The following PAN3 variants were observed in gnomAD, a reference collection of about 807,000 sequenced individuals.
PAN3 encodes PAN2-PAN3 deadenylation complex subunit PAN3.
PAN3 carries 19 observed loss-of-function variants against 96.2 expected under a neutral mutation model. That is an observed-to-expected ratio of 0.20 (90% confidence interval 0.14 to 0.29). The LOEUF (loss-of-function observed/expected upper bound fraction) is 0.29. PAN3 is among the 10% of genes least tolerant of loss of function. The pLI is 1.00. For missense variants in PAN3, 882 were observed against 1,108.1 expected (o/e 0.80, Z 2.90); for synonymous variants, 433 against 406.6 (o/e 1.06, Z -0.78).
chr13:28,164,287 C>T (rs1873263808), intron 1 of PAN3, among the ~76,000 whole-genome samples: 1 of 152,100 alleles, frequency 6.6e-6, no homozygotes, highest in Admixed American at 6.6e-5. Context: ...TAATTCATGG[C>T]ATAATCTGCA....
chr13:28,284,450 A>G (rs1453175430), intron 17 of PAN3, among the ~76,000 whole-genome samples: 2 of 151,254 alleles, frequency 1.3e-5, no homozygotes, highest in South Asian at 2.1e-4. Context: ...TAACTGACCA[A>G]ATTTCTTCTT....
chr13:28,263,658 A>G (rs1885920311), intron 9 of PAN3, among the ~76,000 whole-genome samples: 1 of 152,202 alleles, frequency 6.6e-6, no homozygotes. Flanking sequence ...CTATATTGAC[A>G]AGATAAAATT....
intron 12 of PAN3, 35 bp from the exon 13 acceptor site, chr13:28,270,666 T>G (rs1886538286): frequency 1.3e-6 from 2 of 1,596,180 alleles, no homozygotes; most frequent in Non-Finnish European, 1.7e-6. Flanking sequence ...GTTGATTACT[T>G]AAGATGTCAT....
intron 1 of PAN3, among the ~76,000 whole-genome samples, chr13:28,155,889 A>G (rs542136393): frequency 1.3e-5 from 2 of 152,312 alleles, no homozygotes; most frequent in East Asian, 1.9e-4. Context: ...AGCTCTATTC[A>G]TAGTTTTGTA....
chr13:28,230,428 AC>A (rs1395391304), intron 6 of PAN3, among the ~76,000 whole-genome samples: 1 of 152,130 alleles, frequency 6.6e-6, no homozygotes, highest in Admixed American at 6.5e-5. Context: ...GAAAAAAAAA[AC>A]AACCCTATGG....
chr13:28,242,914 A>G (rs763788103), intron 6 of PAN3, among the ~76,000 whole-genome samples: 2 of 152,214 alleles, frequency 1.3e-5, no homozygotes, highest in African/African-American at 2.4e-5. Flanking sequence ...ATCTTTATAC[A>G]GGATGCTTTG....
intron 13 of PAN3, 65 bp from the exon 14 acceptor site, chr13:28,271,916 C>T: frequency 8.8e-7 from 1 of 1,139,882 alleles, no homozygotes; most frequent in Non-Finnish European, 1.2e-6. Flanking sequence ...GTTACTTTTC[C>T]ATGAGTATGC....
intron 4 of PAN3, among the ~76,000 whole-genome samples, chr13:28,185,494 G>A (rs1455303212): frequency 6.6e-6 from 1 of 152,124 alleles, no homozygotes; most frequent in East Asian, 1.9e-4. Context: ...TGTGTGCAGC[G>A]ACCATTTGTT....
chr13:28,138,748 CCGGGGGTCGGGGGTGTCCCCGG>C lies in PAN3; in HGVS notation c.97_118del (p.Val33ArgfsTer3). 1 of 1,312,822 alleles carries C rather than the reference CCGGGGGTCGGGGGTGTCCCCGG, an allele frequency of 7.6e-7. No individual in the cohort carries two copies. The highest frequency in any genetic ancestry group is 9.7e-7 in the Non-Finnish European group (1 of 1,032,722). 81.3% of individuals were successfully genotyped at this position (1,312,822 alleles called of 1,614,324 possible). On this transcript the variant is annotated frameshift_variant, in exon 1 of 19. Transcript: ENST00000380958. LOFTEE classifies it high-confidence loss of function. ...GGCGGCGGTGGCGGTGGTGGCCCCG[CCGGGGGTCGGGGGTGTCCCCGG>C]CGGGGCGGCGGTAGGAGTGAAGCTG...
chr13:28,140,513 A>G (rs567619569), intron 1 of PAN3, among the ~76,000 whole-genome samples: 10 of 152,192 alleles, frequency 6.6e-5, no homozygotes, highest in Non-Finnish European at 1.5e-4. Flanking sequence ...TAATTGGTCT[A>G]TGAGGATTAT....
At chr13:28,209,035 T>G (rs1879716185) in intron 5 of PAN3, among the ~76,000 whole-genome samples, 1 of 152,242 alleles carries the variant, frequency 6.6e-6, no homozygotes, top group Non-Finnish European at 1.5e-5. Context: ...AATATTTGCA[T>G]ATAACCTATG....
At chr13:28,142,117 T>C (rs1433625649) in intron 1 of PAN3, among the ~76,000 whole-genome samples, 2 of 152,180 alleles carry the variant, frequency 1.3e-5, no homozygotes, top group African/African-American at 4.8e-5. Flanking sequence ...CTCTCAGTAA[T>C]TCCTTATGGA....
chr13:28,207,437 G>C (rs547695586), intron 5 of PAN3, among the ~76,000 whole-genome samples: 2 of 152,042 alleles, frequency 1.3e-5, no homozygotes, highest in African/African-American at 4.8e-5. Context: ...TTTGTCATTG[G>C]GGGAAAAAAG....
chr13:28,251,574 C>A (rs149917419), intron 6 of PAN3, among the ~76,000 whole-genome samples: 329 of 152,298 alleles, frequency 2.2e-3, no homozygotes, highest in African/African-American at 7.5e-3. Context: ...TAAGACGTCA[C>A]CCCAGTCCTC....
At chr13:28,233,501 A>G (rs1359154692) in intron 6 of PAN3, among the ~76,000 whole-genome samples, 1 of 152,066 alleles carries the variant, frequency 6.6e-6, no homozygotes, top group African/African-American at 2.4e-5. Flanking sequence ...TCCTGACCCC[A>G]AGTGATCTGC....
At chr13:28,162,309 T>G (rs1184289447) in intron 1 of PAN3, among the ~76,000 whole-genome samples, 1 of 151,976 alleles carries the variant, frequency 6.6e-6, no homozygotes, top group Admixed American at 6.6e-5. Flanking sequence ...GCTGAGGGGG[T>G]AGAGGAGCCC....
chr13:28,146,993 G>T (rs1870744274), intron 1 of PAN3, among the ~76,000 whole-genome samples: 1 of 151,788 alleles, frequency 6.6e-6, no homozygotes, highest in Admixed American at 6.6e-5. Context: ...AAAAAAAAAG[G>T]AAAAGAAAAA....
intron 6 of PAN3, among the ~76,000 whole-genome samples, chr13:28,240,776 A>G (rs1883583653): frequency 6.6e-6 from 1 of 152,188 alleles, no homozygotes; most frequent in African/African-American, 2.4e-5. Flanking sequence ...AAAAAATGAA[A>G]TTATTTTGAG....
rs1000805759 is a variant in PAN3, at chr13:28,293,084, T to C, written c.*562T>C. 1.3e-5 allele frequency: 2 copies of C among 152,210 alleles called. No homozygotes were observed. Among genetic ancestry groups the C allele is most frequent in the African/African-American group, 4.8e-5 (2 of 41,456 alleles). 9.4% of individuals were successfully genotyped at this position (152,210 alleles called of 1,614,324 possible). A position where few individuals can be genotyped will look rare whatever the true frequency, so the allele number is the denominator to read the frequency against. On this transcript the variant is annotated 3_prime_UTR_variant, in exon 19 of 19. Coordinates refer to ENST00000380958, the MANE Select transcript of PAN3 (RefSeq NM_175854.8). ...GTATGCCACCCACTGTTAGTTCAAA[T>C]TGAGATTTTTGTTTTGTTTTGTTCT...
Sources: gnomAD v4.1 joint callset for allele counts (sites outside exome capture counted in the v4.1 genomes callset) on GRCh38, gnomAD v4.1.1 for gene constraint, MANE v1.5 for transcripts, NCBI Gene and HGNC (gene_info 2026-07-23, HGNC 2026-07-21) for gene names.